Variants in LGALS16 observed in about 807,000 individuals in gnomAD.
LGALS16 encodes the protein galectin-16.
Under a neutral mutation model 13.2 loss-of-function variants are expected in LGALS16, and 15 were observed. The observed-to-expected ratio is 1.13, with a 90% confidence interval of 0.76 to 1.75. The LOEUF is 1.75. Among genes scored for constraint, LGALS16 ranks in the 40% most tolerant of loss-of-function variants. LGALS16 has a pLI of 0.00. For synonymous variants in LGALS16, 66 were observed against 65.4 expected, an observed-to-expected ratio of 1.01 and a Z score of -0.05; for missense variants, 198 against 178.4, an observed-to-expected ratio of 1.11 and a Z score of -0.63.
chr19:39,660,168 A>G (rs1439543916), intron 3 of LGALS16, among the ~76,000 whole-genome samples: 2 of 152,340 alleles, frequency 1.3e-5, no homozygotes, highest in African/African-American at 4.8e-5. Flanking sequence ...ACTGTGTGAC[A>G]CAGAGTGTAG....
Position 39,658,679 on chromosome 19 carries a change from C to T in LGALS16, c.303+9C>T, listed in dbSNP as rs1200904732. 4 of 1,533,496 alleles carry T rather than the reference C, an allele frequency of 2.6e-6. No homozygotes were observed. Among genetic ancestry groups the T allele is most frequent in the Non-Finnish European group, 3.5e-6 (4 of 1,134,118 alleles). 95.0% of individuals were successfully genotyped at this position (1,533,496 alleles called of 1,614,324 possible). On this transcript the variant is annotated intron_variant, in intron 3 of 3. Transcript: ENST00000392051. The stretch of plus-strand genomic sequence containing the variant: ...GTCACAATGAGTATGAGGTGAGCAC[C>T]CCAGGAGCTCGCAGTACCCAGGCTC...
chr19:39,658,015 A>C, intron 2 of LGALS16, 56 bp downstream of exon 2: 2 of 1,596,852 alleles, frequency 1.3e-6, no homozygotes, highest in East Asian at 2.2e-5. Flanking sequence ...ATATTTGCTA[A>C]GAGTTTGACC....
At chr19:39,656,347 A>G (rs1365573290) in intron 1 of LGALS16, among the ~76,000 whole-genome samples, 1 of 152,198 alleles carries the variant, frequency 6.6e-6, no homozygotes, top group Non-Finnish European at 1.5e-5. Flanking sequence ...TAGCACAGCC[A>G]GACCAGTGCA....
At chr19:39,658,253 T>C (rs1973217617) in intron 2 of LGALS16, among the ~76,000 whole-genome samples, 1 of 152,166 alleles carries the variant, frequency 6.6e-6, no homozygotes, top group East Asian at 1.9e-4. Flanking sequence ...TCAGTGACTG[T>C]GATTCAGTTT....
rs546710419 is a variant in LGALS16 at position 39,657,261 on chromosome 19, T to C, written c.16-622T>C. On this transcript the variant is annotated intron_variant, in intron 1 of 3. Transcript: ENST00000392051. The stretch of plus-strand genomic sequence containing the variant: ...GCCTGGGCAACAGAGCAAGACCCTA[T>C]CTCAAAAATACAGAAAAATCATCAA... Among the ~76,000 whole-genome samples, 74 of 152,218 alleles carry C rather than the reference T, an allele frequency of 4.9e-4. No homozygotes were observed. The Middle Eastern group carries it at 0.01, about 21-fold the overall frequency.
chr19:39,657,176 G>T (rs1973203915), intron 1 of LGALS16, among the ~76,000 whole-genome samples: 2 of 152,114 alleles, frequency 1.3e-5, no homozygotes, highest in Non-Finnish European at 2.9e-5. Flanking sequence ...GATGTGTGAG[G>T]ATCACTGCAG....
intron 1 of LGALS16, among the ~76,000 whole-genome samples, chr19:39,657,180 A>T (rs73555856): frequency 0.04 from 6,091 of 152,182 alleles, 391 homozygotes; most frequent in African/African-American, 0.13. Flanking sequence ...TGTGAGGATC[A>T]CTGCAGCCCA....
Position 39,657,918 on chromosome 19 carries a change from T to C in LGALS16, c.51T>C (p.Gly17=). 6.2e-7 allele frequency: 1 copy of C among 1,614,064 alleles called. No individual in the cohort carries two copies. Among genetic ancestry groups the C allele is most frequent in the Non-Finnish European group, 8.5e-7 (1 of 1,180,004 alleles). ...PYKLPVSLSV[G]SCVIIKGTLI... is the part of the protein sequence containing the mutation. ...AACTGCCTGTGTCTTTGTCTGTTGGTTCCTGCGTGATAATCAAAGGGACAC... is the reference window on the plus strand; with the variant it reads ...AACTGCCTGTGTCTTTGTCTGTTGGCTCCTGCGTGATAATCAAAGGGACAC... The change falls in exon 2 of 4, where the codon GGT becomes GGC. Residue 17 remains glycine (G), a synonymous_variant. Coordinates refer to ENST00000392051, the MANE Select transcript of LGALS16 (RefSeq NM_001190441.3).
At chr19:39,660,267 C>G in intron 3 of LGALS16, 128 bp from the exon 4 acceptor site, 1 of 854,604 alleles carries the variant, frequency 1.2e-6, no homozygotes, top group Non-Finnish European at 1.8e-6. Context: ...AGAAGTGTAT[C>G]TACAACATTC....
intron 3 of LGALS16, 72 bp downstream of exon 3, chr19:39,658,742 T>C: frequency 2.0e-6 from 2 of 981,148 alleles, no homozygotes; most frequent in Admixed American, 2.0e-5. Context: ...CTCATTGACC[T>C]GGCCTCACCA....
At chr19:39,656,063 G>GCCGGGCGCGGTGGCT in intron 1 of LGALS16, 87 bp downstream of exon 1, 1 of 1,378,046 alleles carries the variant, frequency 7.3e-7, no homozygotes, top group Non-Finnish European at 1.0e-6. Context: ...GAAAATATGA[G>GCCGGGCGCGGTGGCT]CATTCCTACT....
chr19:39,660,606 C>A lies in LGALS16; in HGVS notation c.*86C>A. On this transcript the variant is annotated 3_prime_UTR_variant, in exon 4 of 4. Transcript: ENST00000392051. ...GCTAACAGAATAATCCCTCCTCAAC[C>A]CCTTCCCCTACACTTGGTCATTAAA... The A allele has an allele frequency of 1.7e-6, 2 of 1,159,470 alleles. No homozygotes were observed. The highest frequency in any genetic ancestry group is 1.2e-6 in the Non-Finnish European group (1 of 813,920). The allele number at this position is 1,159,470 out of a possible 1,614,324, so 71.8% of individuals were successfully genotyped here.
At chr19:39,657,037 A>C in intron 1 of LGALS16, among the ~76,000 whole-genome samples, 1 of 152,028 alleles carries the variant, frequency 6.6e-6, no homozygotes, top group East Asian at 1.9e-4. Context: ...CAAAGATGAG[A>C]GGATAACTTG....
At chr19:39,658,206 T>A (rs1973217119) in intron 2 of LGALS16, among the ~76,000 whole-genome samples, 1 of 152,072 alleles carries the variant, frequency 6.6e-6, no homozygotes, top group South Asian at 2.1e-4. Flanking sequence ...TCAAGGGGCA[T>A]AGAATTTTCA....
At position 39,660,504 on chromosome 19, in the gene LGALS16, A is replaced by G. The variant is rs1364065789; in HGVS notation, c.413A>G (p.Asn138Ser). Residue 138 changes from asparagine to serine, a missense_variant, in exon 4 of 4, where the codon AAC (asparagine) becomes AGC (serine). Transcript: ENST00000392051. ...GTCTCCCTGGACTCAGTGCTTGTCA[A>G]CAATGGACGGAGATGATCACACTCC... ...RDVSLDSVLV[N>S]NGRR 16 of 1,546,202 alleles carry G rather than the reference A, an allele frequency of 1.0e-5. No individual in the cohort carries two copies. Among genetic ancestry groups the G allele is most frequent in the Admixed American group, 1.9e-5 (1 of 51,730 alleles).
rs183190594 is a variant in LGALS16 at position 39,660,631 on chromosome 19, A to G, written c.*111A>G. 4.6e-6 allele frequency: 4 copies of G among 877,994 alleles called. No homozygotes were observed. Among genetic ancestry groups the G allele is most frequent in the African/African-American group, 3.4e-5 (2 of 59,546 alleles). The allele number at this position is 877,994 out of a possible 1,614,324, so 54.4% of individuals were successfully genotyped here. A position where few individuals can be genotyped will look rare whatever the true frequency, so the allele number is the denominator to read the frequency against. On this transcript the variant is annotated 3_prime_UTR_variant, in exon 4 of 4. Transcript: ENST00000392051. ...CCCTTCCCCTACACTTGGTCATTAA[A>G]ACAGCACCAAACCGTACATGATTTG... is the stretch of plus-strand genomic sequence containing the variant.
chr19:39,658,483 A>C lies in LGALS16; in HGVS notation c.116A>C (p.Asp39Ala). Residue 39 changes from aspartate (D) to alanine (A), a missense_variant, in exon 3 of 4, where the codon GAT becomes GCT. Transcript: ENST00000392051. The part of the protein sequence containing the change: ...SSINEPQLQV[D>A]FYTEMNEDSE... ...AGCAACGAACCACAGCTGCAGGTGG[A>C]TTTCTACACTGAGATGAATGAGGAC... 6.2e-7 allele frequency: 1 copy of C among 1,602,618 alleles called. No homozygotes were observed. Among genetic ancestry groups the C allele is most frequent in the South Asian group, 1.1e-5 (1 of 90,128 alleles).
In LGALS16 at chr19:39,660,496, G is replaced by A; in HGVS notation, c.405G>A (p.Val135=). The A allele has an allele frequency of 6.5e-7, 1 of 1,544,618 alleles. No individual in the cohort carries two copies. Among genetic ancestry groups the A allele is most frequent in the Non-Finnish European group, 8.7e-7 (1 of 1,149,952 alleles). The change falls in exon 4 of 4, where the codon GTG becomes GTA. Residue 135 remains valine, a synonymous_variant. Transcript: ENST00000392051. ...GGAGAGATGTCTCCCTGGACTCAGTGCTTGTCAACAATGGACGGAGATGAT... is the reference window on the plus strand; with the variant it reads ...GGAGAGATGTCTCCCTGGACTCAGTACTTGTCAACAATGGACGGAGATGAT... The part of the protein sequence containing the change: ...QVWRDVSLDS[V]LVNNGRR
At chr19:39,658,735 A>G (rs1973226848) in intron 3 of LGALS16, 65 bp downstream of exon 3, 2 of 1,072,298 alleles carry the variant, frequency 1.9e-6, no homozygotes, top group Non-Finnish European at 2.8e-6. Flanking sequence ...GTCAGCTCTC[A>G]TTGACCTGGC....
Sources: gnomAD v4.1 joint callset for allele counts (sites outside exome capture counted in the v4.1 genomes callset) on GRCh38, gnomAD v4.1.1 for gene constraint, MANE v1.5 for transcripts, NCBI Gene and HGNC (gene_info 2026-07-23, HGNC 2026-07-21) for gene names.